BBS9: variants seen among roughly 807,000 people sequenced by gnomAD.
The protein encoded by BBS9 is protein PTHB1.
A neutral mutation model predicts 117.7 loss-of-function variants in BBS9; 89 were observed. The observed-to-expected ratio is 0.76, with a 90% CI of 0.64 to 0.90. BBS9 has a LOEUF of 0.90. Ranked by LOEUF, BBS9 falls within the 40% of genes least tolerant of loss-of-function variation. BBS9 has a pLI of 0.00. For missense variants in BBS9, 982 were observed against 1,042.2 expected (o/e 0.94, Z 0.80); for synonymous variants, 379 against 370.9 (o/e 1.02, Z -0.25).
chr7:33,245,126 T>G (rs6952877), intron 5 of BBS9, among the ~76,000 whole-genome samples: 21,863 of 152,150 alleles, frequency 0.14, 1,847 homozygotes, highest in Non-Finnish European at 0.18. Flanking sequence ...AGGATCATTC[T>G]GCTCCTTTGG....
intron 19 of BBS9, among the ~76,000 whole-genome samples, chr7:33,433,976 C>A (rs1834907388): frequency 6.6e-6 from 1 of 151,824 alleles, no homozygotes; most frequent in South Asian, 2.1e-4. Context: ...TGATTTTTAG[C>A]ATTATATGAT....
chr7:33,460,983 C>A (rs1235758766), intron 19 of BBS9, among the ~76,000 whole-genome samples: 1 of 151,992 alleles, frequency 6.6e-6, no homozygotes, highest in Non-Finnish European at 1.5e-5. Flanking sequence ...TGGAATTATA[C>A]AATATGTGAT....
intron 21 of BBS9, among the ~76,000 whole-genome samples, chr7:33,582,202 T>C (rs1457000407): frequency 6.6e-6 from 1 of 151,920 alleles, no homozygotes; most frequent in Non-Finnish European, 1.5e-5. Flanking sequence ...GACATCTGAG[T>C]GGTTGTTGGA....
intron 21 of BBS9, among the ~76,000 whole-genome samples, chr7:33,628,871 A>G (rs1175569752): frequency 6.6e-6 from 1 of 152,232 alleles, no homozygotes; most frequent in African/African-American, 2.4e-5. Flanking sequence ...TATATTACCC[A>G]CAAACAATTG....
chr7:33,337,675 C>T (rs1438071999), intron 10 of BBS9, among the ~76,000 whole-genome samples: 3 of 152,052 alleles, frequency 2.0e-5, no homozygotes, highest in East Asian at 1.9e-4. Flanking sequence ...TTGTTGTCAG[C>T]GCTGCCATGT....
At chr7:33,354,879 G>A (rs1819348909) in intron 15 of BBS9, among the ~76,000 whole-genome samples, 1 of 152,002 alleles carries the variant, frequency 6.6e-6, no homozygotes, top group African/African-American at 2.4e-5. Flanking sequence ...CCTCTAGTAG[G>A]TTAGGAAGGG....
intron 19 of BBS9, among the ~76,000 whole-genome samples, chr7:33,391,127 C>T (rs1199524702): frequency 6.6e-6 from 1 of 152,036 alleles, no homozygotes; most frequent in Non-Finnish European, 1.5e-5. Flanking sequence ...TACCACCTAC[C>T]TTATTATCAC....
At chr7:33,561,020 T>G (rs74456475) in intron 21 of BBS9, among the ~76,000 whole-genome samples, 2,428 of 152,302 alleles carry the variant, frequency 0.016, 64 homozygotes, top group South Asian at 0.098. Context: ...TTTTTCTCCT[T>G]ATGCTACTTC....
chr7:33,596,261 C>CAT (rs1344388679), intron 21 of BBS9, among the ~76,000 whole-genome samples: 1 of 95,144 alleles, frequency 1.1e-5, no homozygotes, highest in African/African-American at 6.6e-5. Flanking sequence ...AACAGAAACA[C>CAT]ACACACACAC....
chr7:33,154,993 A>G (rs1211026073), intron 3 of BBS9, among the ~76,000 whole-genome samples: 1 of 152,236 alleles, frequency 6.6e-6, no homozygotes, highest in East Asian at 1.9e-4. Flanking sequence ...TGATCCTTGA[A>G]AACTGAATTT....
At chr7:33,488,813 G>A (rs1386998563) in intron 19 of BBS9, among the ~76,000 whole-genome samples, 2 of 152,006 alleles carry the variant, frequency 1.3e-5, no homozygotes, top group Non-Finnish European at 2.9e-5. Flanking sequence ...TCTCCTCTCA[G>A]TCTCTTCCAT....
In BBS9 at chr7:33,556,259, A is replaced by T. The variant is rs532060046; in HGVS notation, c.2521+22083A>T. On this transcript the variant is annotated intron_variant, in intron 21 of 22. Coordinates refer to ENST00000242067, the MANE Select transcript of BBS9 (RefSeq NM_198428.3). ...TAGAGGAATTTGTTCTCTATCTGGA[A>T]CTACTTTCTAATTAAAGTCATGACA... Among the ~76,000 whole-genome samples, 12 of 152,308 alleles carry T rather than the reference A, an allele frequency of 7.9e-5. No individual in the cohort carries two copies. In the East Asian group the frequency reaches 2.1e-3, roughly 27 times the overall value.
intron 21 of BBS9, among the ~76,000 whole-genome samples, chr7:33,566,001 T>C (rs4499993): frequency 0.45 from 66,812 of 149,380 alleles, 17,659 homozygotes; most frequent in African/African-American, 0.74. Context: ...GGAAAAAAAA[T>C]GTAAGGAGTG....
chr7:33,278,538 T>C lies in BBS9; in HGVS notation c.1016+4582T>C, dbSNP rs538287272. Among the ~76,000 whole-genome samples the C allele has an allele frequency of 2.6e-5, 4 of 152,288 alleles. No individual in the cohort carries two copies. The South Asian group carries it at 8.3e-4, about 32-fold the overall frequency. On this transcript the variant is annotated intron_variant, in intron 9 of 22. Coordinates refer to ENST00000242067, the MANE Select transcript of BBS9 (RefSeq NM_198428.3). ...TTAATTTCCTAGTCCTGAGACTAGA[T>C]GAGTTCAGCTGAACAGCTGTTTCCC...
intron 19 of BBS9, among the ~76,000 whole-genome samples, chr7:33,485,239 G>T (rs1022009117): frequency 6.6e-6 from 1 of 151,782 alleles, no homozygotes; most frequent in Non-Finnish European, 1.5e-5. Context: ...AACCACCATG[G>T]CACACATTTA....
rs577062008 is a variant in BBS9, at chr7:33,413,787, C to T, written c.2115+25643C>T. ...CTGTAATCCCAGCATTTTGGGAGGC[C>T]GAGGCAGGCAGATCACCTGAGGTCA... On this transcript the variant is annotated intron_variant, in intron 19 of 22. Coordinates refer to ENST00000242067, the MANE Select transcript of BBS9 (RefSeq NM_198428.3). Among the ~76,000 whole-genome samples, 3 of 152,112 alleles carry T rather than the reference C, an allele frequency of 2.0e-5. No individual in the cohort carries two copies. The South Asian group carries it at 6.2e-4, about 32-fold the overall frequency.
At chr7:33,622,145 G>T (rs943062693) in intron 21 of BBS9, among the ~76,000 whole-genome samples, 1 of 152,144 alleles carries the variant, frequency 6.6e-6, no homozygotes, top group Non-Finnish European at 1.5e-5. Context: ...AGGAGGCAGA[G>T]GTTGCAGTGA....
chr7:33,178,926 T>C (rs1331079462), intron 5 of BBS9, among the ~76,000 whole-genome samples: 3 of 152,094 alleles, frequency 2.0e-5, no homozygotes, highest in Non-Finnish European at 4.4e-5. Context: ...CTTGGTTAGG[T>C]TGGAGGACTG....
At chr7:33,248,775 G>A (rs932820583) in intron 5 of BBS9, among the ~76,000 whole-genome samples, 1 of 152,084 alleles carries the variant, frequency 6.6e-6, no homozygotes, top group African/African-American at 2.4e-5. Flanking sequence ...CAAAATGAGC[G>A]GAAGTTCCAC....
Sources: allele counts gnomAD v4.1 joint callset (sites outside exome capture counted in the v4.1 genomes callset), GRCh38; gene constraint gnomAD v4.1.1; transcripts MANE v1.5; gene names NCBI Gene and HGNC (gene_info 2026-07-23, HGNC 2026-07-21).